Variants in GPC5 observed in about 807,000 individuals in gnomAD.
GPC5 encodes glypican 5.
A neutral mutation model predicts 53.9 loss-of-function variants in GPC5; 47 were observed. The observed-to-expected ratio is 0.87, with a 90% confidence interval of 0.69 to 1.11. GPC5 has a LOEUF of 1.11. GPC5 is among the 50% of genes most tolerant of loss of function. The pLI, the probability that GPC5 is intolerant of heterozygous loss-of-function variation, is 0.00. For missense variants in GPC5, 748 were observed against 713.1 expected, an observed-to-expected ratio of 1.05 and a Z score of -0.56; for synonymous variants, 286 against 263.3, an observed-to-expected ratio of 1.09 and a Z score of -0.84.
At chr13:92,293,792 A>G (rs754948054) in intron 7 of GPC5, among the ~76,000 whole-genome samples, 2 of 152,034 alleles carry the variant, frequency 1.3e-5, no homozygotes, top group African/African-American at 4.8e-5. Context: ...AATGGTTTCA[A>G]CTTTTTCCCA....
chr13:92,781,261 AAT>A (rs1356981543), intron 7 of GPC5, among the ~76,000 whole-genome samples: 2 of 152,046 alleles, frequency 1.3e-5, no homozygotes, highest in Non-Finnish European at 2.9e-5. Flanking sequence ...GTATCCACAA[AAT>A]ATATATATTC....
chr13:91,651,766 A>G (rs2034717530), intron 2 of GPC5, among the ~76,000 whole-genome samples: 1 of 152,166 alleles, frequency 6.6e-6, no homozygotes, highest in Non-Finnish European at 1.5e-5. Context: ...TATATTAATT[A>G]AGGAAAATGT....
intron 2 of GPC5, among the ~76,000 whole-genome samples, chr13:91,508,125 C>G (rs1216951770): frequency 6.6e-6 from 1 of 152,132 alleles, no homozygotes; most frequent in Non-Finnish European, 1.5e-5. Context: ...TACCAAAATA[C>G]CTAATGTTTT....
chr13:91,559,382 C>G (rs1463715235), intron 2 of GPC5, among the ~76,000 whole-genome samples: 1 of 152,118 alleles, frequency 6.6e-6, no homozygotes, highest in African/African-American at 2.4e-5. Flanking sequence ...CGCTTGAACT[C>G]TCAGCTAAAG....
At chr13:91,678,802 TATC>T (rs987546271) in intron 2 of GPC5, among the ~76,000 whole-genome samples, 2 of 152,052 alleles carry the variant, frequency 1.3e-5, no homozygotes, top group African/African-American at 4.8e-5. Flanking sequence ...TGAGGTAAGT[TATC>T]ATTATGTAAT....
Position 92,347,890 on chromosome 13 carries a change from ATTATATATATAATATAT to A in GPC5, c.1561+202902_1561+202918del, listed in dbSNP as rs2043434147. Among the ~76,000 whole-genome samples the A allele has an allele frequency of 1.1e-4, 2 of 17,868 alleles. 1 individual carries two copies. The highest frequency in any genetic ancestry group is 1.5e-4 in the Non-Finnish European group (2 of 13,050). 11.7% of individuals were successfully genotyped at this position (17,868 alleles called of 152,430 possible). ...TATATATATAATATATATTATATAT[ATTATATATATAATATAT>A]ATATAATATATATATATTATATATA... On this transcript the variant is annotated intron_variant, in intron 7 of 7. Transcript: ENST00000377067.
intron 6 of GPC5, among the ~76,000 whole-genome samples, chr13:92,010,692 C>A (rs991677305): frequency 1.3e-5 from 2 of 152,162 alleles, no homozygotes; most frequent in Non-Finnish European, 2.9e-5. Flanking sequence ...TCTCCACCCC[C>A]ACTGCAAGGA....
intron 7 of GPC5, among the ~76,000 whole-genome samples, chr13:92,183,845 T>G (rs2042164572): frequency 6.6e-6 from 1 of 152,056 alleles, no homozygotes; most frequent in Non-Finnish European, 1.5e-5. Flanking sequence ...ATTGTCATCT[T>G]TTTAAATAAC....
intron 7 of GPC5, among the ~76,000 whole-genome samples, chr13:92,734,569 A>T (rs1290565292): frequency 6.6e-6 from 1 of 151,922 alleles, no homozygotes; most frequent in Non-Finnish European, 1.5e-5. Context: ...TTATTTGCAG[A>T]AGTATATTTC....
chr13:91,997,473 A>G (rs1333351102), intron 6 of GPC5, among the ~76,000 whole-genome samples: 1 of 152,002 alleles, frequency 6.6e-6, no homozygotes, highest in African/African-American at 2.4e-5. Flanking sequence ...TGTGGTACAG[A>G]TATCTTCTTC....
At chr13:91,613,032 T>C (rs1433069792) in intron 2 of GPC5, among the ~76,000 whole-genome samples, 2 of 152,174 alleles carry the variant, frequency 1.3e-5, no homozygotes, top group East Asian at 3.9e-4. Context: ...TTTGGGCAAA[T>C]TATTTATTCT....
intron 6 of GPC5, among the ~76,000 whole-genome samples, chr13:92,093,423 T>C (rs1169473575): frequency 1.3e-5 from 2 of 152,202 alleles, no homozygotes; most frequent in African/African-American, 4.8e-5. Flanking sequence ...TGCAAGTATA[T>C]GTATATCTAC....
chr13:91,448,204 T>C (rs1880932902), intron 1 of GPC5, among the ~76,000 whole-genome samples: 1 of 152,234 alleles, frequency 6.6e-6, no homozygotes, highest in Non-Finnish European at 1.5e-5. Flanking sequence ...AGTGGAATCT[T>C]GGATGCTGAG....
At chr13:91,545,726 A>G (rs1013613626) in intron 2 of GPC5, among the ~76,000 whole-genome samples, 1 of 152,094 alleles carries the variant, frequency 6.6e-6, no homozygotes, top group Admixed American at 6.6e-5. Context: ...AGCCCCTAGC[A>G]GCCACCATTC....
intron 2 of GPC5, among the ~76,000 whole-genome samples, chr13:91,669,444 CTAATT>C (rs996966964): frequency 6.6e-6 from 1 of 152,150 alleles, no homozygotes; most frequent in Non-Finnish European, 1.5e-5. Flanking sequence ...TTAACAGACA[CTAATT>C]TAAAGCGGGA....
At chr13:92,699,931 A>ATGTC (rs1281764092) in intron 7 of GPC5, among the ~76,000 whole-genome samples, 2 of 152,158 alleles carry the variant, frequency 1.3e-5, no homozygotes, top group African/African-American at 4.8e-5. Flanking sequence ...AGATCTGTAG[A>ATGTC]TGTCTATTAG....
At chr13:92,747,589 A>G (rs769970307) in intron 7 of GPC5, among the ~76,000 whole-genome samples, 2 of 152,214 alleles carry the variant, frequency 1.3e-5, no homozygotes, top group Non-Finnish European at 1.5e-5. Context: ...TTGATCATAT[A>G]TTAAAATGAC....
intron 2 of GPC5, among the ~76,000 whole-genome samples, chr13:91,658,259 G>A (rs905856498): frequency 6.6e-6 from 1 of 152,046 alleles, no homozygotes; most frequent in African/African-American, 2.4e-5. Flanking sequence ...CAAGTCTATA[G>A]TTTATGTAAT....
At chr13:91,612,179 A>G (rs777423859) in intron 2 of GPC5, among the ~76,000 whole-genome samples, 1 of 152,192 alleles carries the variant, frequency 6.6e-6, no homozygotes, top group Non-Finnish European at 1.5e-5. Flanking sequence ...TGGCTGGGAC[A>G]AGACCATCTC....
Sources: gnomAD v4.1 joint callset for allele counts (sites outside exome capture counted in the v4.1 genomes callset) on GRCh38, gnomAD v4.1.1 for gene constraint, MANE v1.5 for transcripts, NCBI Gene and HGNC (gene_info 2026-07-23, HGNC 2026-07-21) for gene names.